RASL10B: variants seen among roughly 807,000 people sequenced by gnomAD.
RASL10B encodes ras-like protein family member 10B.
Under a neutral mutation model 20.7 loss-of-function variants are expected in RASL10B, and 10 were observed. The observed-to-expected ratio is 0.48, with a 90% CI of 0.30 to 0.82. The LOEUF is 0.82. Among genes scored for constraint, RASL10B ranks in the 40% least tolerant of loss-of-function variants. The pLI is 0.07. For synonymous variants in RASL10B, 110 were observed against 123.3 expected, an observed-to-expected ratio of 0.89 and a Z score of 0.72; for missense variants, 231 against 295.4, an observed-to-expected ratio of 0.78 and a Z score of 1.60.
rs782484653 is a variant in RASL10B, at chr17:35,740,439, C to A, written c.247C>A (p.Arg83=). The change falls in exon 3 of 4, where the codon CGG becomes AGG. Residue 83 remains arginine, a synonymous_variant. Coordinates refer to ENST00000603017, the MANE Select transcript of RASL10B (RefSeq NM_033315.4). ...EWADTCCRGL[R]SVHAYILVYD... is the part of the protein sequence containing the mutation. ...GGCAGACACCTGCTGCAGGGGACTC[C>A]GGAGTGTCCACGCCTACATCCTGGT... The A allele has an allele frequency of 3.1e-6, 5 of 1,613,942 alleles. No homozygotes were observed. The South Asian group carries it at 4.4e-5, about 14-fold the overall frequency.
rs587606242 is a variant in RASL10B at position 35,741,477 on chromosome 17, A to C, written c.*172A>C. ...CAGAGCGCGAGAGGGAGCCCTCCGTAACTGCCCAGCCCTGCCCCTTGCCCC... is the reference window on the plus strand; with the variant it reads ...CAGAGCGCGAGAGGGAGCCCTCCGTCACTGCCCAGCCCTGCCCCTTGCCCC... On this transcript the variant is annotated 3_prime_UTR_variant, in exon 4 of 4. Coordinates refer to ENST00000603017, the MANE Select transcript of RASL10B (RefSeq NM_033315.4). 7.7e-6 allele frequency: 8 copies of C among 1,035,326 alleles called. No individual in the cohort carries two copies. The East Asian group carries it at 1.9e-4, about 25-fold the overall frequency. 64.1% of individuals were successfully genotyped at this position (1,035,326 alleles called of 1,614,324 possible). A position where few individuals can be genotyped will look rare whatever the true frequency, so the allele number is the denominator to read the frequency against.
At position 35,741,173 on chromosome 17, in the gene RASL10B, C is replaced by T. The variant is rs1280318792; in HGVS notation, c.480C>T (p.Ala160=). The T allele has an allele frequency of 6.2e-7, 1 of 1,613,274 alleles. No individual in the cohort carries two copies. The highest frequency in any genetic ancestry group is 1.3e-5 in the African/African-American group (1 of 74,948). Residue 160 remains alanine (A), a synonymous_variant, in exon 4 of 4, where the codon GCC becomes GCT. Transcript: ENST00000603017. ...TWKCGYVECS[A]KYNWHILLLF... Reference sequence around the variant, plus strand: ...AGTGCGGCTACGTGGAATGCTCGGCCAAGTACAACTGGCACATCCTGCTGC... The same window carrying T: ...AGTGCGGCTACGTGGAATGCTCGGCTAAGTACAACTGGCACATCCTGCTGC...
At chr17:35,736,353 A>G (rs2085591587) in intron 2 of RASL10B, among the ~76,000 whole-genome samples, 1 of 152,196 alleles carries the variant, frequency 6.6e-6, no homozygotes, top group Non-Finnish European at 1.5e-5. Flanking sequence ...GGTGTAACTG[A>G]GCAAATCAAG....
intron 1 of RASL10B, 125 bp downstream of exon 1, chr17:35,732,003 G>C (rs1257891186): frequency 6.6e-6 from 1 of 151,116 alleles, no homozygotes; most frequent in African/African-American, 2.4e-5. Context: ...GACTAGGAGG[G>C]GGCCGGCGGG....
chr17:35,737,471 C>T (rs2085600339), intron 2 of RASL10B, among the ~76,000 whole-genome samples: 1 of 152,146 alleles, frequency 6.6e-6, no homozygotes. Flanking sequence ...CAGTCTTGTG[C>T]TGTTTCAAAC....
At chr17:35,740,633 T>G in intron 3 of RASL10B, 100 bp downstream of exon 3, 1 of 1,382,898 alleles carries the variant, frequency 7.2e-7, no homozygotes, top group Non-Finnish European at 9.9e-7. Flanking sequence ...GATAGAGGTA[T>G]ATGTGTTCTA....
intron 3 of RASL10B, 118 bp downstream of exon 3, chr17:35,740,651 C>T (rs2085623462): frequency 6.7e-6 from 8 of 1,201,948 alleles, no homozygotes; most frequent in Non-Finnish European, 8.2e-6. Flanking sequence ...CTAAGATTTC[C>T]ACACATACAC....
chr17:35,737,237 C>CCTCAAGCGATCCTCCTGCTTTGGCCT (rs1340977776), intron 2 of RASL10B, among the ~76,000 whole-genome samples: 1 of 152,182 alleles, frequency 6.6e-6, no homozygotes, highest in Admixed American at 6.5e-5. Flanking sequence ...GAACTACTGG[C>CCTCAAGCGATCCTCCTGCTTTGGCCT]CTCAAGCGAT....
rs1555597714 is a variant in RASL10B at position 35,740,398 on chromosome 17, G to C, written c.217-11G>C. On this transcript the variant is annotated splice_polypyrimidine_tract_variant and intron_variant, in intron 2 of 3. Transcript: ENST00000603017. ...CTGCTCTGACCCTGGTACTGGCTGGGGATATTGCAGGAGTGGGCAGACACC... is the reference window on the plus strand; with the variant it reads ...CTGCTCTGACCCTGGTACTGGCTGGCGATATTGCAGGAGTGGGCAGACACC... The C allele has an allele frequency of 1.2e-6, 2 of 1,612,494 alleles. No individual in the cohort carries two copies. Among genetic ancestry groups the C allele is most frequent in the Admixed American group, 1.7e-5 (1 of 59,996 alleles).
At chr17:35,738,143 T>C (rs1036017640) in intron 2 of RASL10B, among the ~76,000 whole-genome samples, 7 of 152,156 alleles carry the variant, frequency 4.6e-5, no homozygotes, top group African/African-American at 7.2e-5. Flanking sequence ...GTGGGTGAAA[T>C]TGAGCATCTT....
At chr17:35,736,851 T>A (rs1598389253) in intron 2 of RASL10B, 1 of 151,936 alleles carries the variant, frequency 6.6e-6, no homozygotes, top group African/African-American at 2.4e-5. Context: ...GCCTCCCGGG[T>A]TCAAGCGATT....
In RASL10B at chr17:35,735,477, G is replaced by C. The variant is rs1192010859; in HGVS notation, c.216+77G>C. On this transcript the variant is annotated intron_variant, in intron 2 of 3. Coordinates refer to ENST00000603017, the MANE Select transcript of RASL10B (RefSeq NM_033315.4). This position sits in a 1 kb window ranked among gnomAD's most constrained non-coding sequence, Gnocchi z 6.7. ...AGAGGCTGGATTCCAAACTGCTGTA[G>C]CTTGGGCCCTATTGCCAGGGCCCCA... The C allele has an allele frequency of 5.5e-6, 8 of 1,464,070 alleles. No individual in the cohort carries two copies. Among genetic ancestry groups the C allele is most frequent in the Middle Eastern group, 3.5e-4 (2 of 5,776 alleles). The allele number at this position is 1,464,070 out of a possible 1,614,324, so 90.7% of individuals were successfully genotyped here. A position where few individuals can be genotyped will look rare whatever the true frequency, so the allele number is the denominator to read the frequency against.
rs587634382 is a variant in RASL10B at position 35,735,502 on chromosome 17, A to G, written c.216+102A>G. On this transcript the variant is annotated intron_variant, in intron 2 of 3. Coordinates refer to ENST00000603017, the MANE Select transcript of RASL10B (RefSeq NM_033315.4). This position sits in a 1 kb window ranked among gnomAD's most constrained non-coding sequence, Gnocchi z 6.7. ...GCTTGGGCCCTATTGCCAGGGCCCC[A>G]TCACTGAGTTTGGGAGCTCCACACT... 3.6e-5 allele frequency: 43 copies of G among 1,189,514 alleles called. No individual in the cohort carries two copies. In the South Asian group the frequency reaches 5.9e-4, roughly 16 times the overall value. 73.7% of individuals were successfully genotyped at this position (1,189,514 alleles called of 1,614,324 possible).
intron 1 of RASL10B, among the ~76,000 whole-genome samples, chr17:35,732,664 G>T (rs782012300): frequency 2.2e-4 from 33 of 152,086 alleles, no homozygotes; most frequent in Non-Finnish European, 4.6e-4. Flanking sequence ...GCATTTCCCT[G>T]CCGCTCCCCA....
intron 2 of RASL10B, 146 bp from the exon 3 acceptor site, chr17:35,740,263 G>T: frequency 1.0e-6 from 1 of 998,866 alleles, no homozygotes. Context: ...CATTCTCCCT[G>T]GGCCTGGTCT....
intron 2 of RASL10B, 67 bp from the exon 3 acceptor site, chr17:35,740,342 A>G: frequency 6.4e-7 from 1 of 1,573,884 alleles, no homozygotes. Context: ...CTCTGATGGG[A>G]GGTGTTTGGG....
chr17:35,738,551 C>T (rs1439262030), intron 2 of RASL10B, among the ~76,000 whole-genome samples: 1 of 152,154 alleles, frequency 6.6e-6, no homozygotes, highest in Non-Finnish European at 1.5e-5. Flanking sequence ...AAGGAATTAT[C>T]AGCAAATGCA....
intron 2 of RASL10B, among the ~76,000 whole-genome samples, chr17:35,737,827 C>A (rs898060760): frequency 6.7e-6 from 1 of 149,884 alleles, no homozygotes; most frequent in African/African-American, 2.5e-5. Context: ...CGCCTGAGGC[C>A]GGGAGGTTGA....
Position 35,740,512 on chromosome 17 carries a change from G to A in RASL10B, c.320G>A (p.Arg107His), listed in dbSNP as rs782005346. 6.8e-6 allele frequency: 11 copies of A among 1,613,510 alleles called. No homozygotes were observed. The East Asian group carries it at 8.9e-5, about 13-fold the overall frequency. ...AGCTTTGAGTACGTCAAGACCATCC[G>A]CCAGCAGATCCTGGAGACGAGGTGA... Reference protein sequence around the residue: ...FDSFEYVKTIRQQILETRVIG... With the variant: ...FDSFEYVKTIHQQILETRVIG... The change falls in exon 3 of 4, where the codon CGC becomes CAC. Residue 107 changes from arginine (R) to histidine (H), a missense_variant. Physicochemically the swap from Arg to His is conservative, Grantham distance 29. Transcript: ENST00000603017.
Sources: gnomAD v4.1 joint callset for allele counts (sites outside exome capture counted in the v4.1 genomes callset) on GRCh38, gnomAD v4.1.1 for gene constraint, Gnocchi (gnomAD v3.1) non-coding constraint, MANE v1.5 for transcripts, NCBI Gene and HGNC (gene_info 2026-07-23, HGNC 2026-07-21) for gene names.